The following R3HDM1 variants were observed in gnomAD, a reference collection of about 807,000 sequenced individuals.
R3HDM1 encodes the protein R3H domain containing 1, also known as R3H domain-containing protein 1.
In R3HDM1, 46 loss-of-function variants were observed where a neutral mutation model predicts 141.1. The observed-to-expected ratio is 0.33, with a 90% confidence interval of 0.26 to 0.42. R3HDM1 has a LOEUF of 0.42. Ranked by LOEUF, R3HDM1 falls within the 10% of genes least tolerant of loss-of-function variation. R3HDM1 has a pLI of 1.00. For missense variants in R3HDM1, 1,184 were observed against 1,368.3 expected, an observed-to-expected ratio of 0.87 and a Z score of 2.12; for synonymous variants, 435 against 472.9, an observed-to-expected ratio of 0.92 and a Z score of 1.04.
chr2:135,688,268 A>T (rs313527), intron 21 of R3HDM1, among the ~76,000 whole-genome samples: 2 of 152,194 alleles, frequency 1.3e-5, no homozygotes, highest in Non-Finnish European at 2.9e-5. Context: ...TTCAAGCATG[A>T]GTTGGTACTG....
At chr2:135,721,772 G>C (rs1033962169) in intron 24 of R3HDM1, 152 bp from the exon 25 acceptor site, 4 of 498,020 alleles carry the variant, frequency 8.0e-6, no homozygotes, top group Non-Finnish European at 1.5e-5. Context: ...ATTTTTATTA[G>C]AGATGGGGTT....
chr2:135,708,499 CT>C (rs373120198), intron 21 of R3HDM1, among the ~76,000 whole-genome samples: 86 of 152,198 alleles, frequency 5.7e-4, no homozygotes, highest in African/African-American at 2.1e-3. Context: ...TGTAAGACAG[CT>C]TTTTAAAATG....
At chr2:135,534,165 T>C (rs1340309624) in intron 1 of R3HDM1, among the ~76,000 whole-genome samples, 2 of 152,228 alleles carry the variant, frequency 1.3e-5, no homozygotes, top group African/African-American at 4.8e-5. Context: ...GTCTGTGGAA[T>C]ACATTTCAAA....
chr2:135,597,172 CT>C, intron 1 of R3HDM1: 1 of 974,938 alleles, frequency 1.0e-6, no homozygotes, highest in Non-Finnish European at 1.2e-6. Context: ...TTCCTTCTTG[CT>C]TATAATGTCC....
intron 16 of R3HDM1, among the ~76,000 whole-genome samples, chr2:135,646,573 C>T (rs57235352): frequency 0.053 from 8,022 of 151,530 alleles, 380 homozygotes; most frequent in African/African-American, 0.12. Context: ...ATGGGCCTGG[C>T]GCGTTGGCTC....
At chr2:135,684,075 GTT>G (rs2070854028) in intron 21 of R3HDM1, among the ~76,000 whole-genome samples, 2 of 151,824 alleles carry the variant, frequency 1.3e-5, no homozygotes, top group Admixed American at 1.3e-4. Flanking sequence ...TATTTCTTTT[GTT>G]TTGTTTTGTT....
At chr2:135,541,419 A>G (rs1029802297) in intron 1 of R3HDM1, among the ~76,000 whole-genome samples, 3 of 152,102 alleles carry the variant, frequency 2.0e-5, no homozygotes, top group Non-Finnish European at 4.4e-5. Context: ...CTTGTTAGCC[A>G]GGATGGTCTT....
intron 21 of R3HDM1, among the ~76,000 whole-genome samples, chr2:135,693,634 G>A (rs1013429843): frequency 1.3e-5 from 2 of 152,182 alleles, no homozygotes; most frequent in Non-Finnish European, 2.9e-5. Flanking sequence ...AAGTATTATG[G>A]ACAAAAGGTC....
intron 1 of R3HDM1, among the ~76,000 whole-genome samples, chr2:135,573,152 G>A (rs1055495873): frequency 2.0e-5 from 3 of 152,094 alleles, no homozygotes; most frequent in Non-Finnish European, 4.4e-5. Context: ...ATGACATGTC[G>A]TTTGTATGTC....
intron 16 of R3HDM1, among the ~76,000 whole-genome samples, chr2:135,647,872 G>A (rs2105267618): frequency 6.6e-6 from 1 of 152,188 alleles, no homozygotes; most frequent in East Asian, 1.9e-4. Flanking sequence ...TTCCCTAAAT[G>A]GTGTCAGAAT....
At chr2:135,612,956 A>G (rs997146423) in intron 3 of R3HDM1, among the ~76,000 whole-genome samples, 4 of 152,216 alleles carry the variant, frequency 2.6e-5, no homozygotes, top group African/African-American at 4.8e-5. Context: ...TATAATTTCT[A>G]TTTGCTGTTT....
chr2:135,602,823 T>C (rs1166534579), intron 2 of R3HDM1, 115 bp downstream of exon 2: 1 of 910,114 alleles, frequency 1.1e-6, no homozygotes, highest in African/African-American at 1.7e-5. Flanking sequence ...TTTGCAGCTG[T>C]TTGTTTTCGG....
intron 1 of R3HDM1, chr2:135,590,455 T>A: frequency 1.3e-6 from 1 of 746,176 alleles, no homozygotes; most frequent in Non-Finnish European, 1.6e-6. Context: ...GAGACAATTG[T>A]AAAGAAACCC....
chr2:135,600,114 T>C (rs886467747), intron 1 of R3HDM1, among the ~76,000 whole-genome samples: 1 of 144,608 alleles, frequency 6.9e-6, no homozygotes, highest in Admixed American at 6.8e-5. Flanking sequence ...TTTTTTTTTT[T>C]TTTTTTTTTT....
At chr2:135,703,411 AAT>A (rs1384685125) in intron 21 of R3HDM1, among the ~76,000 whole-genome samples, 1 of 152,154 alleles carries the variant, frequency 6.6e-6, no homozygotes, top group Non-Finnish European at 1.5e-5. Context: ...TTTATTTTAG[AAT>A]ACAATTATGA....
intron 1 of R3HDM1, chr2:135,577,356 C>A: frequency 4.3e-6 from 1 of 234,382 alleles, no homozygotes; most frequent in Non-Finnish European, 6.3e-6. Flanking sequence ...TTGATTTTAG[C>A]CAAAAGGCTA....
chr2:135,654,553 A>G (rs1006224430), intron 18 of R3HDM1, among the ~76,000 whole-genome samples: 1 of 152,034 alleles, frequency 6.6e-6, no homozygotes, highest in African/African-American at 2.4e-5. Flanking sequence ...TGTTCAAGCA[A>G]TTCTCCTGCC....
chr2:135,688,148 C>G (rs1171270639), intron 21 of R3HDM1, among the ~76,000 whole-genome samples: 2 of 152,188 alleles, frequency 1.3e-5, no homozygotes, highest in Non-Finnish European at 2.9e-5. Context: ...CCTTTTCAGT[C>G]TATTTAGTGC....
chr2:135,717,833 A>G (rs760256752), intron 24 of R3HDM1, among the ~76,000 whole-genome samples: 21 of 152,078 alleles, frequency 1.4e-4, no homozygotes, highest in Non-Finnish European at 2.8e-4. Flanking sequence ...CAGCAATTCC[A>G]CTCCTGGGGG....
Sources: gnomAD v4.1 joint callset for allele counts (sites outside exome capture counted in the v4.1 genomes callset) on GRCh38, gnomAD v4.1.1 for gene constraint, MANE v1.5 for transcripts, NCBI Gene and HGNC (gene_info 2026-07-23, HGNC 2026-07-21) for gene names.